Variants in ASB18 observed in about 807,000 individuals in gnomAD.
The protein encoded by ASB18 is ankyrin repeat and SOCS box containing 18.
Under a neutral mutation model 33.4 loss-of-function variants are expected in ASB18, and 33 were observed. The observed-to-expected ratio is 0.99, with a 90% confidence interval of 0.75 to 1.32. The LOEUF is 1.32. Ranked by LOEUF, ASB18 falls within the 40% of genes most tolerant of loss-of-function variation. ASB18 has a pLI of 0.00. For synonymous variants in ASB18, 295 were observed against 307.6 expected, an observed-to-expected ratio of 0.96 and a Z score of 0.43; for missense variants, 694 against 655.5, an observed-to-expected ratio of 1.06 and a Z score of -0.64.
In ASB18 at chr2:236,195,120, T is replaced by C; in HGVS notation, c.1216-63A>G. ...GTGGAACCAACATACGTTTTCTTCT[T>C]AGCCAGACCACTGATGGTACAAGCG... On this transcript the variant is annotated intron_variant, in intron 5 of 5. Coordinates refer to ENST00000409749, the MANE Select transcript of ASB18 (RefSeq NM_212556.4). This position sits in a 1 kb window ranked among gnomAD's most constrained non-coding sequence, Gnocchi z 5.5. 2.7e-6 allele frequency: 4 copies of C among 1,464,116 alleles called. No homozygotes were observed. Among genetic ancestry groups the C allele is most frequent in the Non-Finnish European group, 3.7e-6 (4 of 1,073,058 alleles). The allele number at this position is 1,464,116 out of a possible 1,614,324, so 90.7% of individuals were successfully genotyped here.
intron 1 of ASB18, among the ~76,000 whole-genome samples, chr2:236,246,346 C>CAAAAAAAAAAAAAAAAAAAAAAAA (rs60064230): frequency 3.1e-5 from 1 of 32,700 alleles, no homozygotes; most frequent in African/African-American, 9.0e-5. Flanking sequence ...GACTCCATCT[C>CAAAAAAAAAAAAAAAAAAAAAAAA]AAAAAAAAAA....
rs2060536246 is a variant in ASB18 at position 236,226,084 on chromosome 2, AGACCTCCTCAGAGTATGACTTTAGGGG to A, written c.597-11245_597-11219del. On this transcript the variant is annotated intron_variant, in intron 3 of 5. Transcript: ENST00000409749. This position sits in a 1 kb window ranked among gnomAD's most constrained non-coding sequence, Gnocchi z 4.8. ...GATAATGTTTATACTACCTGAAGCC[AGACCTCCTCAGAGTATGACTTTAGGGG>A]GACTCTTTAGAGCTGAAAAGCCATG... Among the ~76,000 whole-genome samples the A allele has an allele frequency of 6.6e-6, 1 of 152,244 alleles. No homozygotes were observed.
rs537628627 is a variant in ASB18 at position 236,245,570 on chromosome 2, C to T, written c.206-4168G>A. 1.3e-5 allele frequency among the ~76,000 whole-genome samples: 2 copies of T among 152,322 alleles called. No homozygotes were observed. The highest frequency in any genetic ancestry group is 3.9e-4 in the East Asian group (2 of 5,172). Reference sequence around the variant, plus strand: ...TCTGCCTGCAGTCCTTATTTTCCCTCCTTGCCTGGCCAGCCTCGCTCATCC... The same window carrying T: ...TCTGCCTGCAGTCCTTATTTTCCCTTCTTGCCTGGCCAGCCTCGCTCATCC... On this transcript the variant is annotated intron_variant, in intron 1 of 5. Coordinates refer to ENST00000409749, the MANE Select transcript of ASB18 (RefSeq NM_212556.4). The surrounding 1 kb of genome is among the most constrained non-coding windows in gnomAD (Gnocchi z 4.7).
Position 236,230,897 on chromosome 2 carries a change from AC to A in ASB18, c.596+6791del, listed in dbSNP as rs1440197952. ...ATTACATTAAATGTGAATGATCTAC[AC>A]CCAGTTAAAAAACAGAGACTGTCAG... On this transcript the variant is annotated intron_variant, in intron 3 of 5. Coordinates refer to ENST00000409749, the MANE Select transcript of ASB18 (RefSeq NM_212556.4). Among the ~76,000 whole-genome samples the A allele has an allele frequency of 1.6e-4, 24 of 152,282 alleles. No homozygotes were observed. The East Asian group carries it at 2.3e-3, about 15-fold the overall frequency.
rs1016707628 is a variant in ASB18, at chr2:236,219,417, A to G, written c.597-4551T>C. Among the ~76,000 whole-genome samples, 17 of 152,176 alleles carry G rather than the reference A, an allele frequency of 1.1e-4. No individual in the cohort carries two copies. The highest frequency in any genetic ancestry group is 2.9e-4 in the African/African-American group (12 of 41,422). ...TTCCAGGTTCCCAGAATACGCTTGA[A>G]ATTTCCATCAATCTGTTTAGGTATA... On this transcript the variant is annotated intron_variant, in intron 3 of 5. Transcript: ENST00000409749. This position sits in a 1 kb window ranked among gnomAD's most constrained non-coding sequence, Gnocchi z 6.4.
rs554383493 is a variant in ASB18, at chr2:236,220,030, A to G, written c.597-5164T>C. ...GGGTGCCTCATCTCTGTTTTCGATA[A>G]TGACTGCAATGACAGGTTGTTACAG... On this transcript the variant is annotated intron_variant, in intron 3 of 5. Transcript: ENST00000409749. The surrounding 1 kb of genome is among the most constrained non-coding windows in gnomAD (Gnocchi z 5.1). Among the ~76,000 whole-genome samples, 151 of 152,346 alleles carry G rather than the reference A, an allele frequency of 9.9e-4. 1 individual carries two copies. The highest frequency in any genetic ancestry group is 3.1e-3 in the African/African-American group (129 of 41,582).
rs916091105 is a variant in ASB18 at position 236,203,650 on chromosome 2, G to C, written c.1102-7265C>G. On this transcript the variant is annotated intron_variant, in intron 4 of 5. Transcript: ENST00000409749. The surrounding 1 kb of genome is among the most constrained non-coding windows in gnomAD (Gnocchi z 6.0). Reference sequence around the variant, plus strand: ...GGAAGCCAAGGCAGGCAGATGACTTGAGTCTAGGAGTTTGAGACTAGCCTG... The same window carrying C: ...GGAAGCCAAGGCAGGCAGATGACTTCAGTCTAGGAGTTTGAGACTAGCCTG... Among the ~76,000 whole-genome samples the C allele has an allele frequency of 6.6e-6, 1 of 152,148 alleles. No individual in the cohort carries two copies. The highest frequency in any genetic ancestry group is 2.4e-5 in the African/African-American group (1 of 41,428).
Position 236,262,885 on chromosome 2 carries a change from G to T in ASB18, c.205+1256C>A, listed in dbSNP as rs964091518. Among the ~76,000 whole-genome samples the T allele has an allele frequency of 2.1e-5, 1 of 47,916 alleles. No homozygotes were observed. Among genetic ancestry groups the T allele is most frequent in the South Asian group, 8.6e-4 (1 of 1,164 alleles). The allele number at this position is 47,916 out of a possible 152,430, so 31.4% of individuals were successfully genotyped here. On this transcript the variant is annotated intron_variant, in intron 1 of 5. Transcript: ENST00000409749. This position sits in a 1 kb window ranked among gnomAD's most constrained non-coding sequence, Gnocchi z 5.2. ...GCCCAGAAAGTAGACCCAAACCAAG[G>T]GGGGGGGGCGGACCCCCTCGGAAGT...
chr2:236,261,081 G>A (rs764588166), intron 1 of ASB18, among the ~76,000 whole-genome samples: 4 of 152,100 alleles, frequency 2.6e-5, no homozygotes, highest in Non-Finnish European at 2.9e-5. Context: ...TTAGCTGGTG[G>A]CCCTATCCTC....
chr2:236,243,429 T>C lies in ASB18; in HGVS notation c.206-2027A>G, dbSNP rs896911837. 2.6e-5 allele frequency among the ~76,000 whole-genome samples: 4 copies of C among 152,234 alleles called. No individual in the cohort carries two copies. In the South Asian group the frequency reaches 8.3e-4, roughly 32 times the overall value. ...TTAGCTTTTTTTCCCATCCATGTTC[T>C]CTGTTGCCATGACCAGTGATGAGCA... On this transcript the variant is annotated intron_variant, in intron 1 of 5. Coordinates refer to ENST00000409749, the MANE Select transcript of ASB18 (RefSeq NM_212556.4).
chr2:236,210,807 G>A (rs1425557765), intron 4 of ASB18, among the ~76,000 whole-genome samples: 1 of 152,204 alleles, frequency 6.6e-6, no homozygotes, highest in African/African-American at 2.4e-5. Context: ...ACCTGTGAAG[G>A]AGGCAGTGGA....
intron 4 of ASB18, among the ~76,000 whole-genome samples, chr2:236,202,607 T>G (rs1264057274): frequency 6.7e-6 from 1 of 150,364 alleles, no homozygotes; most frequent in Non-Finnish European, 1.5e-5. Flanking sequence ...GATCACGAGG[T>G]CAAGAGATGG....
At position 236,214,035 on chromosome 2, in the gene ASB18, G is replaced by A. The variant is rs1002815146; in HGVS notation, c.1101+327C>T. ...ACTGCATCATCGAAATAAGTGCCTG[G>A]CGTCCGTCCCCAGGTGACTACTTTG... On this transcript the variant is annotated intron_variant, in intron 4 of 5. Coordinates refer to ENST00000409749, the MANE Select transcript of ASB18 (RefSeq NM_212556.4). The surrounding 1 kb of genome is among the most constrained non-coding windows in gnomAD (Gnocchi z 6.5). 2.8e-5 allele frequency: 8 copies of A among 283,748 alleles called. No homozygotes were observed. Among genetic ancestry groups the A allele is most frequent in the Non-Finnish European group, 6.5e-6 (1 of 152,714 alleles). 17.6% of individuals were successfully genotyped at this position (283,748 alleles called of 1,614,324 possible).
At chr2:236,206,769 CA>C (rs982757598) in intron 4 of ASB18, among the ~76,000 whole-genome samples, 2 of 152,138 alleles carry the variant, frequency 1.3e-5, no homozygotes, top group Non-Finnish European at 2.9e-5. Flanking sequence ...GCTGAGATTC[CA>C]ACAAGGGGAA....
At position 236,195,092 on chromosome 2, in the gene ASB18, C is replaced by T. The variant is rs1249731967; in HGVS notation, c.1216-35G>A. The T allele has an allele frequency of 6.3e-7, 1 of 1,577,422 alleles. No individual in the cohort carries two copies. The highest frequency in any genetic ancestry group is 8.6e-7 in the Non-Finnish European group (1 of 1,156,784). On this transcript the variant is annotated intron_variant, in intron 5 of 5. Transcript: ENST00000409749. The surrounding 1 kb of genome is among the most constrained non-coding windows in gnomAD (Gnocchi z 5.5). ...AAGGCAGGTGGATTAGAAATCTGGG[C>T]ACGTGGAACCAACATACGTTTTCTT...
chr2:236,251,223 C>T lies in ASB18; in HGVS notation c.206-9821G>A, dbSNP rs181578702. 1.7e-3 allele frequency among the ~76,000 whole-genome samples: 258 copies of T among 152,322 alleles called. 1 individual carries two copies. Among genetic ancestry groups the T allele is most frequent in the African/African-American group, 5.7e-3 (235 of 41,576 alleles). ...CAGAAACAAAGATGCCCTTGAACAC[C>T]GTGTATCCGCTGTGGATGAGTGCAA... On this transcript the variant is annotated intron_variant, in intron 1 of 5. Coordinates refer to ENST00000409749, the MANE Select transcript of ASB18 (RefSeq NM_212556.4). The surrounding 1 kb of genome is among the most constrained non-coding windows in gnomAD (Gnocchi z 5.3).
At position 236,262,521 on chromosome 2, in the gene ASB18, C is replaced by T. The variant is rs2060724084; in HGVS notation, c.205+1620G>A. Among the ~76,000 whole-genome samples the T allele has an allele frequency of 6.6e-6, 1 of 152,222 alleles. No homozygotes were observed. Among genetic ancestry groups the T allele is most frequent in the African/African-American group, 2.4e-5 (1 of 41,458 alleles). On this transcript the variant is annotated intron_variant, in intron 1 of 5. Coordinates refer to ENST00000409749, the MANE Select transcript of ASB18 (RefSeq NM_212556.4). The surrounding 1 kb of genome is among the most constrained non-coding windows in gnomAD (Gnocchi z 5.2). ...GCACTTGCCCTACCCTCACTTTCCT[C>T]CAACTCCTATCATTAGTGGCACCCA...
chr2:236,210,571 C>A (rs57900956), intron 4 of ASB18: 26,224 of 152,162 alleles, frequency 0.17, 2,280 homozygotes, highest in South Asian at 0.25. Flanking sequence ...CAGTCACCTG[C>A]AGGTGCGTTT....
In ASB18 at chr2:236,225,395, G is replaced by A. The variant is rs1236414629; in HGVS notation, c.597-10529C>T. On this transcript the variant is annotated intron_variant, in intron 3 of 5. Transcript: ENST00000409749. The surrounding 1 kb of genome is among the most constrained non-coding windows in gnomAD (Gnocchi z 5.1). ...CCTAAAATGATGGGATTACAGGCAG[G>A]AGCCACTGTGCCCACATGATTTATT... Among the ~76,000 whole-genome samples the A allele has an allele frequency of 6.6e-6, 1 of 152,158 alleles. No individual in the cohort carries two copies. The highest frequency in any genetic ancestry group is 1.5e-5 in the Non-Finnish European group (1 of 68,034).
Sources: allele counts gnomAD v4.1 joint callset (sites outside exome capture counted in the v4.1 genomes callset), GRCh38; gene constraint gnomAD v4.1.1; non-coding constraint Gnocchi (gnomAD v3.1); transcripts MANE v1.5; gene names NCBI Gene and HGNC (gene_info 2026-07-23, HGNC 2026-07-21).